The following RNH1 variants were observed in gnomAD, a reference collection of about 807,000 sequenced individuals.
RNH1 encodes the protein ribonuclease inhibitor.
Under a neutral mutation model 46.1 loss-of-function variants are expected in RNH1, and 38 were observed. That is an observed-to-expected ratio of 0.82 (90% confidence interval 0.64 to 1.08). The LOEUF is 1.08. RNH1 is among the 50% of genes least tolerant of loss of function. RNH1 has a pLI of 0.00. For missense variants in RNH1, 577 were observed against 590.7 expected (o/e 0.98, Z 0.24); for synonymous variants, 319 against 279.1 (o/e 1.14, Z -1.43).
At position 494,740 on chromosome 11, in the gene RNH1, C is replaced by T. The variant is rs752874383; in HGVS notation, c.1337G>A (p.Arg446Gln). 1.9e-5 allele frequency: 31 copies of T among 1,613,830 alleles called. No homozygotes were observed. The highest frequency in any genetic ancestry group is 8.3e-5 in the Admixed American group (5 of 59,990). The change falls in exon 11 of 11, where the codon CGG becomes CAG. Residue 446 changes from arginine to glutamine, a missense_variant. By Grantham distance (43) the Arg-to-Gln change is conservative. Coordinates refer to ENST00000354420, the MANE Select transcript of RNH1 (RefSeq NM_203387.3). Reference protein sequence around the residue: ...DIYWSEEMEDRLQALEKDKPS... With the variant: ...DIYWSEEMEDQLQALEKDKPS... ...CTTGTCCTTCTCCAGGGCCTGCAGCCGGTCCTCCATCTCCTCAGACCAGTA... is the reference window on the plus strand; with the variant it reads ...CTTGTCCTTCTCCAGGGCCTGCAGCTGGTCCTCCATCTCCTCAGACCAGTA...
chr11:500,598 C>G lies in RNH1; in HGVS notation c.158G>C (p.Arg53Pro), dbSNP rs761187001. 1 of 1,610,106 alleles carries G rather than the reference C, an allele frequency of 6.2e-7. No individual in the cohort carries two copies. Among genetic ancestry groups the G allele is most frequent in the East Asian group, 2.2e-5 (1 of 44,880 alleles). ...GAGCTCTGCCAGTGCAGGGTTGACT[C>G]GAAGTGCAGAGCTGATGTCCTTGCA... is the stretch of plus-strand genomic sequence containing the variant. ...ARCKDISSAL[R>P]VNPALAELNL... Residue 53 changes from arginine (R) to proline (P), a missense_variant, in exon 4 of 11, where the codon CGA (arginine) becomes CCA (proline). Transcript: ENST00000354420.
Position 501,930 on chromosome 11 carries a change from G to A in RNH1, c.101+132C>T, listed in dbSNP as rs1179632969. On this transcript the variant is annotated intron_variant, in intron 3 of 10. Coordinates refer to ENST00000354420, the MANE Select transcript of RNH1 (RefSeq NM_203387.3). The surrounding 1 kb of genome is among the most constrained non-coding windows in gnomAD (Gnocchi z 4.1). Reference sequence around the variant, plus strand: ...AACACAAGAATCACATCTCATGCACGTGGTAGCTGCACAGAATTCATACTT... The same window carrying A: ...AACACAAGAATCACATCTCATGCACATGGTAGCTGCACAGAATTCATACTT... 3.8e-5 allele frequency: 24 copies of A among 631,142 alleles called. No individual in the cohort carries two copies. The highest frequency in any genetic ancestry group is 3.9e-4 in the Middle Eastern group (1 of 2,566). The allele number at this position is 631,142 out of a possible 1,614,324, so 39.1% of individuals were successfully genotyped here. A position where few individuals can be genotyped will look rare whatever the true frequency, so the allele number is the denominator to read the frequency against.
chr11:500,850 C>T, intron 3 of RNH1, 196 bp from the exon 4 acceptor site: 1 of 734,342 alleles, frequency 1.4e-6, no homozygotes, highest in South Asian at 1.5e-5. Flanking sequence ...CGCACGTGGC[C>T]AGGCGCGGTG....
intron 1 of RNH1, chr11:505,366 T>C (rs1850175025): frequency 6.6e-6 from 1 of 152,192 alleles, no homozygotes; most frequent in Non-Finnish European, 1.5e-5. Flanking sequence ...AATATTGAGA[T>C]GTGAAGGCTA....
chr11:495,034 TCA>T lies in RNH1; in HGVS notation c.1145_1146del (p.Val382GlufsTer2), dbSNP rs1485353548. The T allele has an allele frequency of 1.6e-5, 26 of 1,605,120 alleles. No individual in the cohort carries two copies. The highest frequency in any genetic ancestry group is 2.2e-5 in the East Asian group (1 of 44,666). ...GCGAGGCTGCTGCAGCTGCTGTCACTCACATCGCAGTCGGCCAACCTGGGTGA... is the reference window on the plus strand; with the variant it reads ...GCGAGGCTGCTGCAGCTGCTGTCACTCATCGCAGTCGGCCAACCTGGGTGA... ...LRVLWLADCD[V>X]SDSSCSSLAA... is the part of the protein sequence containing the mutation. On this transcript the variant is annotated frameshift_variant, in exon 10 of 11. Transcript: ENST00000354420. LOFTEE classifies it high-confidence loss of function.
At chr11:500,732 T>C in intron 3 of RNH1, 78 bp from the exon 4 acceptor site, 1 of 1,500,362 alleles carries the variant, frequency 6.7e-7, no homozygotes, top group East Asian at 2.3e-5. Flanking sequence ...CACGTGCAGG[T>C]TACAACCTAT....
intron 1 of RNH1, chr11:505,517 C>A (rs1850191323): frequency 6.6e-6 from 1 of 152,216 alleles, no homozygotes; most frequent in Non-Finnish European, 1.5e-5. Flanking sequence ...CCAGAAGGAA[C>A]TACCCTTGCC....
Position 498,475 on chromosome 11 carries a change from C to T in RNH1, c.938G>A (p.Cys313Tyr). 13 of 1,612,968 alleles carry T rather than the reference C, an allele frequency of 8.1e-6. No individual in the cohort carries two copies. Among genetic ancestry groups the T allele is most frequent in the Non-Finnish European group, 1.1e-5 (13 of 1,179,998 alleles). ...LLCETLLEPG[C>Y]QLESLWVKSC... ...CACTCACCACAGCGACTCCAGCTGG[C>T]AGCCAGGTTCCAGCAGGGTCTCACA... Residue 313 changes from cysteine (C) to tyrosine (Y), a missense_variant, in exon 8 of 11, where the codon TGC becomes TAC. Cys to Tyr is a radical substitution (Grantham distance 194, BLOSUM62 -2). Transcript: ENST00000354420.
In RNH1 at chr11:494,783, A is replaced by C. The variant is rs1565010746; in HGVS notation, c.1299-5T>G. On this transcript the variant is annotated splice_region_variant and splice_polypyrimidine_tract_variant and intron_variant, in intron 10 of 10. Transcript: ENST00000354420. ...GACCAGTAAATGTCGTACAGGCTGCACACAGGCCAGAAGGGAGGCATGGGC... is the reference window on the plus strand; with the variant it reads ...GACCAGTAAATGTCGTACAGGCTGCCCACAGGCCAGAAGGGAGGCATGGGC... The C allele has an allele frequency of 1.2e-6, 2 of 1,613,872 alleles. No individual in the cohort carries two copies. Among genetic ancestry groups the C allele is most frequent in the South Asian group, 2.2e-5 (2 of 91,088 alleles).
At chr11:506,555 A>G (rs1013068420) in intron 1 of RNH1, 2 of 152,094 alleles carry the variant, frequency 1.3e-5, no homozygotes, top group Non-Finnish European at 2.9e-5. Flanking sequence ...GAAGCTCCGC[A>G]ATGGAGAGCG....
In RNH1 at chr11:502,264, C is replaced by T. The variant is rs1849818593; in HGVS notation, c.-87-15G>A. On this transcript the variant is annotated splice_polypyrimidine_tract_variant and intron_variant, in intron 2 of 10. Transcript: ENST00000354420. This position sits in a 1 kb window ranked among gnomAD's most constrained non-coding sequence, Gnocchi z 5.8. ...GGCCGGAGATTCTGCAAACAGGACC[C>T]ACAGGGCTGATGTTTCAGGAGGAGC... 3.3e-6 allele frequency: 3 copies of T among 907,980 alleles called. No homozygotes were observed. The highest frequency in any genetic ancestry group is 3.3e-5 in the African/African-American group (2 of 60,836). 56.2% of individuals were successfully genotyped at this position (907,980 alleles called of 1,614,324 possible).
Position 501,090 on chromosome 11 carries a change from C to T in RNH1, c.102-436G>A, listed in dbSNP as rs959188508. 1 of 334,042 alleles carries T rather than the reference C, an allele frequency of 3.0e-6. No homozygotes were observed. Among genetic ancestry groups the T allele is most frequent in the Non-Finnish European group, 5.9e-6 (1 of 170,480 alleles). 20.7% of individuals were successfully genotyped at this position (334,042 alleles called of 1,614,324 possible). A position where few individuals can be genotyped will look rare whatever the true frequency, so the allele number is the denominator to read the frequency against. On this transcript the variant is annotated intron_variant, in intron 3 of 10. Coordinates refer to ENST00000354420, the MANE Select transcript of RNH1 (RefSeq NM_203387.3). The surrounding 1 kb of genome is among the most constrained non-coding windows in gnomAD (Gnocchi z 4.1). The stretch of plus-strand genomic sequence containing the variant: ...CCGCATAAGCCATGAGGGAGCCACT[C>T]CAGCCTGGGTGACAGAGCAATGCCC...
Position 494,999 on chromosome 11 carries a change from CAG to C in RNH1, c.1180_1181del (p.Leu394ValfsTer8), listed in dbSNP as rs1848923052. On this transcript the variant is annotated frameshift_variant, in exon 10 of 11. Coordinates refer to ENST00000354420, the MANE Select transcript of RNH1 (RefSeq NM_203387.3). LOFTEE classifies it high-confidence loss of function. ...GCTCACGCAGGCTGTGGTTGGCCAA[CAG>C]GGTTGCGGCGAGGCTGCTGCAGCTG... ...DSSCSSLAAT[L>X]LANHSLRELD... 1 of 1,605,242 alleles carries C rather than the reference CAG, an allele frequency of 6.2e-7. No individual in the cohort carries two copies.
rs1045709971 is a variant in RNH1, at chr11:501,730, G to A, written c.101+332C>T. The A allele has an allele frequency of 1.6e-5, 5 of 309,136 alleles. No individual in the cohort carries two copies. Among genetic ancestry groups the A allele is most frequent in the Non-Finnish European group, 1.8e-5 (3 of 163,028 alleles). The allele number at this position is 309,136 out of a possible 1,614,324, so 19.1% of individuals were successfully genotyped here. A position where few individuals can be genotyped will look rare whatever the true frequency, so the allele number is the denominator to read the frequency against. ...CAGGGACAAGCAGCGCCCCATGGAG[G>A]CTCACGGAGGGGACCCAAGCTGTGT... On this transcript the variant is annotated intron_variant, in intron 3 of 10. Coordinates refer to ENST00000354420, the MANE Select transcript of RNH1 (RefSeq NM_203387.3). This position sits in a 1 kb window ranked among gnomAD's most constrained non-coding sequence, Gnocchi z 4.1.
At chr11:498,957 G>A (rs369581883) in intron 6 of RNH1, 24 bp from the exon 7 acceptor site, 1 of 1,611,614 alleles carries the variant, frequency 6.2e-7, no homozygotes, top group South Asian at 1.1e-5. Flanking sequence ...TCACACGTGA[G>A]GCAGCACGGG....
At chr11:497,919 C>G in intron 9 of RNH1, 52 bp downstream of exon 9, 12 of 1,573,964 alleles carry the variant, frequency 7.6e-6, no homozygotes, top group Non-Finnish European at 1.0e-5. Context: ...TGTGTGCACA[C>G]ACGGGCATAT....
intron 9 of RNH1, 115 bp from the exon 10 acceptor site, chr11:495,168 C>T: frequency 2.8e-6 from 3 of 1,086,734 alleles, no homozygotes; most frequent in South Asian, 1.4e-5. Context: ...CAACTCAGGA[C>T]CCTCAGGTGG....
chr11:500,788 G>T, intron 3 of RNH1, 134 bp from the exon 4 acceptor site: 3 of 987,434 alleles, frequency 3.0e-6, no homozygotes, highest in Non-Finnish European at 4.7e-6. Context: ...AGACATTTCA[G>T]AAATGAAACA....
In RNH1 at chr11:494,539, A is replaced by C; in HGVS notation, c.*152T>G. 1.4e-6 allele frequency: 1 copy of C among 726,258 alleles called. No individual in the cohort carries two copies. The highest frequency in any genetic ancestry group is 2.4e-6 in the Non-Finnish European group (1 of 422,564). The allele number at this position is 726,258 out of a possible 1,614,324, so 45.0% of individuals were successfully genotyped here. ...CTGCCAAGAAAGTGCTTTAATGATT[A>C]TAAAGTGTCCAAAATATACTGGCAG... On this transcript the variant is annotated 3_prime_UTR_variant, in exon 11 of 11. Coordinates refer to ENST00000354420, the MANE Select transcript of RNH1 (RefSeq NM_203387.3).
Sources: gnomAD v4.1 joint callset for allele counts on GRCh38, gnomAD v4.1.1 for gene constraint, Gnocchi (gnomAD v3.1) non-coding constraint, MANE v1.5 for transcripts, NCBI Gene and HGNC (gene_info 2026-07-23, HGNC 2026-07-21) for gene names.